Variants in ALDH9A1 observed in about 807,000 individuals in gnomAD.
ALDH9A1 encodes aldehyde dehydrogenase 9 family member A1, also known as 4-trimethylaminobutyraldehyde dehydrogenase.
ALDH9A1 carries 42 observed loss-of-function variants against 56.6 expected under a neutral mutation model. The ratio of observed to expected loss-of-function variants is 0.74; its 90% CI spans 0.58 to 0.96. The LOEUF (loss-of-function observed/expected upper bound fraction) is 0.96. ALDH9A1 is among the 40% of genes least tolerant of loss of function. The pLI is 0.00. For missense variants in ALDH9A1, 661 were observed against 651.5 expected (o/e 1.01, Z -0.16); for synonymous variants, 242 against 236.0 (o/e 1.03, Z -0.23).
Position 165,698,523 on chromosome 1 carries a change from C to G in ALDH9A1, c.36G>C (p.Pro12=). ...GAGAGGGCCGAAGACTGCGAAGAAG[C>G]GGGGAGAGCGCGGCCAGGCCTGCTC... is the stretch of plus-strand genomic sequence containing the variant. ...FLRAGLAALS[P]LLRSLRPSPV... The change falls in exon 1 of 11, where the codon CCG becomes CCC. Residue 12 remains proline, a synonymous_variant. Transcript: ENST00000354775. 1 of 1,610,046 alleles carries G rather than the reference C, an allele frequency of 6.2e-7. No homozygotes were observed. The highest frequency in any genetic ancestry group is 8.5e-7 in the Non-Finnish European group (1 of 1,178,660).
intron 3 of ALDH9A1, 90 bp downstream of exon 3, chr1:165,682,891 G>C: frequency 6.9e-7 from 1 of 1,448,740 alleles, no homozygotes; most frequent in Non-Finnish European, 9.3e-7. Flanking sequence ...ACCCAGGTTT[G>C]TCTTAATTCC....
intron 9 of ALDH9A1, 102 bp from the exon 10 acceptor site, chr1:165,665,232 A>G (rs1051316954): frequency 1.5e-5 from 13 of 873,402 alleles, no homozygotes; most frequent in Admixed American, 2.6e-5. Flanking sequence ...AAATCTTACT[A>G]AATTCTCATT....
intron 8 of ALDH9A1, 71 bp downstream of exon 8, chr1:165,668,855 T>C: frequency 8.1e-7 from 1 of 1,237,232 alleles, no homozygotes. Flanking sequence ...GTACATATTT[T>C]ATAAATATTC....
At chr1:165,676,964 T>G (rs759266046) in intron 6 of ALDH9A1, among the ~76,000 whole-genome samples, 1 of 152,316 alleles carries the variant, frequency 6.6e-6, no homozygotes, top group Middle Eastern at 3.4e-3. Context: ...AGATGTGAGG[T>G]GGCTTATCGT....
Position 165,662,951 on chromosome 1 carries a change from C to T in ALDH9A1, c.*99G>A. 9.2e-7 allele frequency: 1 copy of T among 1,087,728 alleles called. No homozygotes were observed. The highest frequency in any genetic ancestry group is 2.0e-4 in the Middle Eastern group (1 of 4,958). The allele number at this position is 1,087,728 out of a possible 1,614,324, so 67.4% of individuals were successfully genotyped here. On this transcript the variant is annotated 3_prime_UTR_variant, in exon 11 of 11. Coordinates refer to ENST00000354775, the MANE Select transcript of ALDH9A1 (RefSeq NM_000696.4). Reference sequence around the variant, plus strand: ...TTCTCTTATACTGAACGCCAAAATTCTGGATGTAAAATAACATTCAGTTGT... The same window carrying T: ...TTCTCTTATACTGAACGCCAAAATTTTGGATGTAAAATAACATTCAGTTGT...
chr1:165,665,055 G>C lies in ALDH9A1; in HGVS notation c.1425C>G (p.Ser475Arg), dbSNP rs55929408. The change falls in exon 10 of 11, where the codon AGC (serine) becomes AGG (arginine). Residue 475 changes from serine to arginine, a missense_variant. By Grantham distance (110) the Ser-to-Arg change is moderately radical. Transcript: ENST00000354775. ...GTCFINNYNV[S>R]PVELPFGGYK... ...ATCCACCAAAGGGCAACTCCACTGG[G>C]CTGACGTTATAGTTGTTAATGAAGC... The C allele has an allele frequency of 6.2e-7, 1 of 1,613,878 alleles. No homozygotes were observed. The highest frequency in any genetic ancestry group is 1.3e-5 in the African/African-American group (1 of 74,904).
At position 165,679,397 on chromosome 1, in the gene ALDH9A1, G is replaced by C. The variant is rs377560802; in HGVS notation, c.930+45C>G. 4.4e-6 allele frequency: 7 copies of C among 1,603,602 alleles called. No homozygotes were observed. In the South Asian group the frequency reaches 4.4e-5, roughly 10 times the overall value. ...GCTTTAAAACACACTGTTGGATGAGGGGGTAGAGATTCCTTTTACACCTCT... is the reference window on the plus strand; with the variant it reads ...GCTTTAAAACACACTGTTGGATGAGCGGGTAGAGATTCCTTTTACACCTCT... On this transcript the variant is annotated intron_variant, in intron 6 of 10. Transcript: ENST00000354775.
At position 165,684,995 on chromosome 1, in the gene ALDH9A1, C is replaced by CA. The variant is rs4646890; in HGVS notation, c.328-1886dup. 6.6e-5 allele frequency among the ~76,000 whole-genome samples: 10 copies of CA among 151,310 alleles called. No homozygotes were observed. The East Asian group carries it at 9.7e-4, about 15-fold the overall frequency. On this transcript the variant is annotated intron_variant, in intron 2 of 10. Transcript: ENST00000354775. The stretch of plus-strand genomic sequence containing the variant: ...GTTATTCTATTATTCTCCATCCTTA[C>CA]AAAAAAAAAGTTATCTACTAAGAGC...
intron 2 of ALDH9A1, among the ~76,000 whole-genome samples, chr1:165,685,483 GA>G (rs1649679629): frequency 6.6e-6 from 1 of 151,960 alleles, no homozygotes; most frequent in Non-Finnish European, 1.5e-5. Flanking sequence ...ACCTTGTCCA[GA>G]AGGAAAAAAT....
chr1:165,669,048 A>AATAT (rs777999365), intron 7 of ALDH9A1, 35 bp from the exon 8 acceptor site: 1 of 1,531,846 alleles, frequency 6.5e-7, no homozygotes, highest in South Asian at 1.2e-5. Context: ...TTGTATTAAA[A>AATAT]ATATAACCCC....
chr1:165,697,671 C>A (rs988169262), intron 1 of ALDH9A1, among the ~76,000 whole-genome samples: 1 of 152,192 alleles, frequency 6.6e-6, no homozygotes, highest in Admixed American at 6.5e-5. Flanking sequence ...CCGCCCCGTT[C>A]TTTTAGAATT....
At chr1:165,666,259 T>C (rs1012539445) in intron 9 of ALDH9A1, among the ~76,000 whole-genome samples, 2 of 152,124 alleles carry the variant, frequency 1.3e-5, no homozygotes, top group Non-Finnish European at 2.9e-5. Flanking sequence ...GGAGTGGGAA[T>C]GAAGAGCAAC....
At chr1:165,696,675 C>CT (rs1368025233) in intron 1 of ALDH9A1, among the ~76,000 whole-genome samples, 1 of 152,132 alleles carries the variant, frequency 6.6e-6, no homozygotes, top group African/African-American at 2.4e-5. Flanking sequence ...AGCCCAAGGA[C>CT]TGTACTGCCT....
chr1:165,678,744 A>G (rs1649448504), intron 6 of ALDH9A1, among the ~76,000 whole-genome samples: 1 of 131,338 alleles, frequency 7.6e-6, no homozygotes, highest in Non-Finnish European at 1.7e-5. Context: ...ACTGAGTAGG[A>G]TATGACATCA....
At chr1:165,676,619 T>G in intron 6 of ALDH9A1, 1 of 323,746 alleles carries the variant, frequency 3.1e-6, no homozygotes, top group African/African-American at 2.2e-5. Context: ...AGATAGCTTC[T>G]GAAATGCATG....
chr1:165,687,661 T>A (rs1440122880), intron 2 of ALDH9A1, among the ~76,000 whole-genome samples: 1 of 152,114 alleles, frequency 6.6e-6, no homozygotes, highest in African/African-American at 2.4e-5. Flanking sequence ...ACATACAGAA[T>A]CTGAAAGAGT....
chr1:165,682,805 T>TA (rs1308884684), intron 3 of ALDH9A1, 176 bp downstream of exon 3: 2 of 658,932 alleles, frequency 3.0e-6, no homozygotes, highest in Admixed American at 6.1e-5. Flanking sequence ...TAGGAATTAT[T>TA]ATCTCCAGTT....
intron 2 of ALDH9A1, among the ~76,000 whole-genome samples, chr1:165,694,264 C>T (rs1488448336): frequency 6.6e-6 from 1 of 151,412 alleles, no homozygotes; most frequent in African/African-American, 2.4e-5. Context: ...GCTCTGGACT[C>T]CCAGGAAGAG....
In ALDH9A1 at chr1:165,698,252, T is replaced by TA. The variant is rs1650159442; in HGVS notation, c.181+125dup. On this transcript the variant is annotated intron_variant, in intron 1 of 10. Transcript: ENST00000354775. ...CGCTAGTTGCCTACACACACAACCT[T>TA]AGACTCTCCACTGTCACTGTCTTGT... 4 of 1,443,254 alleles carry TA rather than the reference T, an allele frequency of 2.8e-6. No individual in the cohort carries two copies. The African/African-American group carries it at 5.9e-5, about 21-fold the overall frequency. The allele number at this position is 1,443,254 out of a possible 1,614,324, so 89.4% of individuals were successfully genotyped here.
Sources: gnomAD v4.1 joint callset for allele counts (sites outside exome capture counted in the v4.1 genomes callset) on GRCh38, gnomAD v4.1.1 for gene constraint, MANE v1.5 for transcripts, NCBI Gene and HGNC (gene_info 2026-07-23, HGNC 2026-07-21) for gene names.